TLR6: variants seen among roughly 807,000 people sequenced by gnomAD.
The protein encoded by TLR6 is toll like receptor 6, also known as toll-like receptor 6.
TLR6 carries 9 observed loss-of-function variants against 16.1 expected under a neutral mutation model. The ratio of observed to expected loss-of-function variants is 0.56; its 90% CI spans 0.34 to 0.98. The LOEUF (loss-of-function observed/expected upper bound fraction) is 0.98, where lower values mean the gene tolerates loss of function less well. Ranked by LOEUF, TLR6 falls within the 50% of genes least tolerant of loss-of-function variation. The pLI is 0.02. For synonymous variants in TLR6, 340 were observed against 338.6 expected, an observed-to-expected ratio of 1.00 and a Z score of -0.04; for missense variants, 786 against 921.0, an observed-to-expected ratio of 0.85 and a Z score of 1.90.
chr4:38,837,423 C>A (rs1170333249), intron 1 of TLR6, among the ~76,000 whole-genome samples: 2 of 152,194 alleles, frequency 1.3e-5, no homozygotes, highest in African/African-American at 4.8e-5. Flanking sequence ...AATTAATCCA[C>A]ATATTTACAG....
exon 2 of TLR6, chr4:38,827,778 T>C (rs1210924699): frequency 1.2e-6 from 2 of 1,614,242 alleles, no homozygotes; most frequent in Middle Eastern, 1.6e-4. Flanking sequence ...CCTCTATAAC[T>C]TTCTGGGTAG....
chr4:38,827,261 G>T (rs62621958), exon 2 of TLR6: 2 of 1,614,022 alleles, frequency 1.2e-6, no homozygotes, highest in African/African-American at 2.7e-5. Context: ...CTGTGGAATG[G>T]GTTCCAGTAA....
intron 1 of TLR6, among the ~76,000 whole-genome samples, chr4:38,850,965 A>G (rs149486449): frequency 0.24 from 36,814 of 151,584 alleles, 4,827 homozygotes; most frequent in Non-Finnish European, 0.28. Flanking sequence ...GATGAACATT[A>G]ATACAAAAAT....
chr4:38,831,437 G>A (rs1711577425), intron 1 of TLR6, among the ~76,000 whole-genome samples: 1 of 152,168 alleles, frequency 6.6e-6, no homozygotes, highest in South Asian at 2.1e-4. Context: ...AGAAAATCTA[G>A]GTGACTTTGG....
intron 1 of TLR6, among the ~76,000 whole-genome samples, chr4:38,852,265 A>G (rs1482702847): frequency 6.6e-6 from 1 of 152,218 alleles, no homozygotes; most frequent in Non-Finnish European, 1.5e-5. Context: ...TAGACTTAAA[A>G]CCATAAAAAC....
intron 1 of TLR6, among the ~76,000 whole-genome samples, chr4:38,849,759 G>C (rs1207458697): frequency 6.6e-6 from 1 of 150,908 alleles, no homozygotes; most frequent in East Asian, 1.9e-4. Context: ...CCAATACAAA[G>C]AGACTTAGAC....
At chr4:38,860,035 G>T (rs1388562152), upstream of TLR6, among the ~76,000 whole-genome samples, 1 of 151,964 alleles carries the variant, frequency 6.6e-6, no homozygotes, top group Non-Finnish European at 1.5e-5. Flanking sequence ...ACATTATTTT[G>T]ATGACTTTTA....
chr4:38,844,025 C>G (rs1355689658), intron 1 of TLR6, among the ~76,000 whole-genome samples: 5 of 152,142 alleles, frequency 3.3e-5, no homozygotes, highest in African/African-American at 1.2e-4. Flanking sequence ...TCCCTTTTAC[C>G]CCAATGGTAC....
intron 1 of TLR6, among the ~76,000 whole-genome samples, chr4:38,841,345 C>G (rs991867576): frequency 2.6e-5 from 4 of 152,190 alleles, no homozygotes; most frequent in Non-Finnish European, 5.9e-5. Context: ...AATCCCAGCA[C>G]TTTGGGAGGC....
the TLR6 span, among the ~76,000 whole-genome samples, chr4:38,862,590 ATTTTTTTTTTTT>A: frequency 4.1e-5 from 3 of 73,718 alleles, no homozygotes. Flanking sequence ...CCCAATCACC[ATTTTTTTTTTTT>A]TTTTTTTTTT....
intron 1 of TLR6, among the ~76,000 whole-genome samples, chr4:38,840,560 G>C (rs1372963077): frequency 3.3e-5 from 5 of 151,934 alleles, no homozygotes; most frequent in African/African-American, 1.2e-4. Context: ...CTTAAACCCG[G>C]GAGGTGGAGG....
At chr4:38,863,804 C>G in the TLR6 span, among the ~76,000 whole-genome samples, 1 of 152,308 alleles carries the variant, frequency 6.6e-6, no homozygotes, top group East Asian at 1.9e-4. Flanking sequence ...AGCCTCCATC[C>G]TTCTCTCCCC....
intron 1 of TLR6, among the ~76,000 whole-genome samples, chr4:38,853,621 C>T (rs1457261962): frequency 6.6e-6 from 1 of 152,140 alleles, no homozygotes; most frequent in Non-Finnish European, 1.5e-5. Flanking sequence ...TTCTTAAACA[C>T]TTTCTTTTTA....
exon 2 of TLR6, chr4:38,826,895 G>A (rs1249048184): frequency 1.9e-6 from 1 of 535,158 alleles, no homozygotes; most frequent in Non-Finnish European, 3.3e-6. Context: ...AGAAGAGACT[G>A]GGCTGTCTCT....
chr4:38,823,457 C>T (rs1282329863), downstream of TLR6, among the ~76,000 whole-genome samples: 1 of 152,220 alleles, frequency 6.6e-6, no homozygotes, highest in Non-Finnish European at 1.5e-5. Flanking sequence ...AACGGACTGA[C>T]ACCTTTCCTC....
At chr4:38,830,832 A>G (rs1315606185) in intron 1 of TLR6, among the ~76,000 whole-genome samples, 1 of 152,212 alleles carries the variant, frequency 6.6e-6, no homozygotes, top group Non-Finnish European at 1.5e-5. Context: ...AATCAAAACA[A>G]AATAATCACT....
intron 1 of TLR6, chr4:38,843,633 A>T (rs1402242326): frequency 1.3e-5 from 2 of 152,232 alleles, no homozygotes; most frequent in Non-Finnish European, 2.9e-5. Context: ...TAGAGTTTCA[A>T]CCAACCTTTC....
At chr4:38,834,836 C>T (rs764128748) in intron 1 of TLR6, among the ~76,000 whole-genome samples, 8 of 152,106 alleles carry the variant, frequency 5.3e-5, no homozygotes, top group African/African-American at 1.2e-4. Flanking sequence ...CCCAGACAAG[C>T]GACAACTGAG....
exon 2 of TLR6, chr4:38,828,555 A>G (rs1195714892): frequency 6.2e-6 from 10 of 1,613,846 alleles, no homozygotes; most frequent in Non-Finnish European, 8.5e-6. Context: ...TCTATTGTCA[A>G]TGCTTTCAAT....
Sources: gnomAD v4.1 joint callset for allele counts (sites outside exome capture counted in the v4.1 genomes callset) on GRCh38, gnomAD v4.1.1 for gene constraint, MANE v1.5 for transcripts, NCBI Gene and HGNC (gene_info 2026-07-23, HGNC 2026-07-21) for gene names.